KLHL1: variants seen among roughly 807,000 people sequenced by gnomAD.
The protein encoded by KLHL1 is kelch like family member 1.
KLHL1 carries 47 observed loss-of-function variants against 77.7 expected under a neutral mutation model. The ratio of observed to expected loss-of-function variants is 0.60; its 90% CI spans 0.48 to 0.77. The LOEUF (loss-of-function observed/expected upper bound fraction) is 0.77. Among genes scored for constraint, KLHL1 ranks in the 30% least tolerant of loss-of-function variants. The probability of loss-of-function intolerance (pLI) is 0.00; values close to 1 mark genes in which losing one functional copy is unlikely to be tolerated. For missense variants in KLHL1, 925 were observed against 910.8 expected (o/e 1.02, Z -0.20); for synonymous variants, 360 against 325.2 (o/e 1.11, Z -1.15).
At position 70,069,876 on chromosome 13, in the gene KLHL1, G is replaced by A. The variant is rs1208804201; in HGVS notation, c.497+37327C>T. ...AAAACAAGGAGAAAAATGAGAGAAA[G>A]AAGCAGATGAGGCCGGGCACGGTGG... On this transcript the variant is annotated intron_variant, in intron 1 of 10. Transcript: ENST00000377844. Among the ~76,000 whole-genome samples, 3 of 151,522 alleles carry A rather than the reference G, an allele frequency of 2.0e-5. No individual in the cohort carries two copies. In the East Asian group the frequency reaches 5.8e-4, roughly 29 times the overall value.
intron 2 of KLHL1, among the ~76,000 whole-genome samples, chr13:69,961,832 A>G (rs113688130): frequency 3.9e-5 from 5 of 126,754 alleles, no homozygotes; most frequent in Non-Finnish European, 8.7e-5. Context: ...ATTATGTTTT[A>G]TTTGCCTGTT....
chr13:69,709,807 T>C lies in KLHL1; in HGVS notation c.2016-2011A>G, dbSNP rs539090940. Among the ~76,000 whole-genome samples the C allele has an allele frequency of 2.6e-5, 4 of 151,978 alleles. No individual in the cohort carries two copies. The South Asian group carries it at 8.3e-4, about 32-fold the overall frequency. On this transcript the variant is annotated intron_variant, in intron 9 of 10. Coordinates refer to ENST00000377844, the MANE Select transcript of KLHL1 (RefSeq NM_020866.3). ...AACAATAAGAACAAATTTGTGATCG[T>C]TGTTGAAGCAGGGTAATGATTATAG...
intron 4 of KLHL1, among the ~76,000 whole-genome samples, chr13:69,886,124 T>C (rs1215215961): frequency 6.6e-6 from 1 of 152,112 alleles, no homozygotes; most frequent in Non-Finnish European, 1.5e-5. Context: ...ATGTATGATA[T>C]TATCATTTGA....
intron 3 of KLHL1, among the ~76,000 whole-genome samples, chr13:69,943,946 T>C (rs1416169234): frequency 6.6e-6 from 1 of 152,290 alleles, no homozygotes; most frequent in East Asian, 1.9e-4. Flanking sequence ...TTTAGAATAT[T>C]GGGAAGGTGA....
At chr13:70,005,018 C>A in intron 1 of KLHL1, among the ~76,000 whole-genome samples, 1 of 151,540 alleles carries the variant, frequency 6.6e-6, no homozygotes, top group Non-Finnish European at 1.5e-5. Context: ...AACGTAAGTC[C>A]TAGTTTTGTA....
intron 4 of KLHL1, 53 bp downstream of exon 4, chr13:69,939,987 A>G: frequency 2.2e-6 from 3 of 1,353,546 alleles, no homozygotes; most frequent in Non-Finnish European, 3.0e-6. Context: ...AATTATTTTT[A>G]CCTCTGATAA....
At chr13:70,044,363 T>C (rs1886446996) in intron 1 of KLHL1, among the ~76,000 whole-genome samples, 1 of 152,238 alleles carries the variant, frequency 6.6e-6, no homozygotes, top group Non-Finnish European at 1.5e-5. Context: ...CCAGTCTGTC[T>C]AGAATAGTAC....
chr13:69,721,079 A>ATATATATATATATATATATATAC (rs1555300737), intron 8 of KLHL1, among the ~76,000 whole-genome samples: 3 of 67,572 alleles, frequency 4.4e-5, no homozygotes, highest in African/African-American at 7.8e-5. Flanking sequence ...ATATATATAT[A>ATATATATATATATATATATATAC]AAGCTATGTA....
At chr13:69,964,417 T>A (rs1884154179) in intron 2 of KLHL1, among the ~76,000 whole-genome samples, 1 of 152,166 alleles carries the variant, frequency 6.6e-6, no homozygotes, top group South Asian at 2.1e-4. Flanking sequence ...TTATTTTTGT[T>A]TTTAACTTTT....
intron 8 of KLHL1, among the ~76,000 whole-genome samples, chr13:69,722,846 A>G (rs1118694): frequency 0.34 from 51,340 of 151,948 alleles, 8,867 homozygotes; most frequent in Non-Finnish European, 0.37. Flanking sequence ...TGAAACCAGT[A>G]TATAAGAGAA....
chr13:69,968,503 A>AG (rs1447593517), intron 2 of KLHL1, among the ~76,000 whole-genome samples: 4 of 150,970 alleles, frequency 2.6e-5, no homozygotes, highest in Non-Finnish European at 1.5e-5. Context: ...TTAAAAAAAA[A>AG]TCAAACCTAT....
chr13:70,016,800 G>T (rs964261538), intron 1 of KLHL1, among the ~76,000 whole-genome samples: 4 of 152,102 alleles, frequency 2.6e-5, no homozygotes, highest in African/African-American at 9.7e-5. Flanking sequence ...TTTAGTTCTG[G>T]GTAGAGTCTG....
intron 4 of KLHL1, among the ~76,000 whole-genome samples, chr13:69,887,558 TC>T (rs1195932465): frequency 2.6e-5 from 4 of 152,216 alleles, no homozygotes; most frequent in African/African-American, 9.6e-5. Flanking sequence ...CTTAGAGATT[TC>T]TTTTGCCAAG....
chr13:69,852,061 C>T (rs947430137), intron 5 of KLHL1, among the ~76,000 whole-genome samples: 10 of 151,822 alleles, frequency 6.6e-5, no homozygotes, highest in African/African-American at 2.2e-4. Context: ...TGCATCTATG[C>T]ATATTATCCT....
At chr13:69,806,837 T>C (rs1448578177) in intron 6 of KLHL1, among the ~76,000 whole-genome samples, 1 of 152,150 alleles carries the variant, frequency 6.6e-6, no homozygotes, top group Non-Finnish European at 1.5e-5. Context: ...GGAATGGCTA[T>C]AGCCACTTGC....
intron 7 of KLHL1, among the ~76,000 whole-genome samples, chr13:69,756,043 G>A (rs915765402): frequency 1.3e-5 from 2 of 152,106 alleles, no homozygotes; most frequent in Non-Finnish European, 2.9e-5. Context: ...GTTTGCCTCA[G>A]TGTATTCCCC....
rs1180673662 is a variant in KLHL1 at position 69,940,212 on chromosome 13, G to A, written c.842C>T (p.Thr281Ile). The change falls in exon 4 of 11, where the codon ACC (threonine) becomes ATC (isoleucine). Residue 281 changes from threonine (T) to isoleucine (I), a missense_variant. Physicochemically the swap from Thr to Ile is moderately conservative, Grantham distance 89. Coordinates refer to ENST00000377844, the MANE Select transcript of KLHL1 (RefSeq NM_020866.3). ...CGCTGCAGCAAGAAGGTTCTCAATG[G>A]TGTCCTCTTTTAATTCCAAGCAGCC... ...YTGCLELKED[T>I]IENLLAAACL... The A allele has an allele frequency of 1.9e-6, 3 of 1,608,610 alleles. No homozygotes were observed. The highest frequency in any genetic ancestry group is 2.5e-6 in the Non-Finnish European group (3 of 1,178,378).
intron 1 of KLHL1, among the ~76,000 whole-genome samples, chr13:70,046,760 C>T (rs565061656): frequency 2.6e-5 from 4 of 152,138 alleles, no homozygotes; most frequent in East Asian, 1.9e-4. Flanking sequence ...GTGATCCGCC[C>T]GCCTCGGCCT....
intron 2 of KLHL1, among the ~76,000 whole-genome samples, chr13:69,975,147 T>C (rs1884506646): frequency 6.6e-6 from 1 of 152,076 alleles, no homozygotes; most frequent in South Asian, 2.1e-4. Flanking sequence ...CAATTTTAAA[T>C]AAATATAAAA....
Sources: gnomAD v4.1 joint callset for allele counts (sites outside exome capture counted in the v4.1 genomes callset) on GRCh38, gnomAD v4.1.1 for gene constraint, MANE v1.5 for transcripts, NCBI Gene and HGNC (gene_info 2026-07-23, HGNC 2026-07-21) for gene names.